ATF1: variants seen among roughly 807,000 people sequenced by gnomAD.
ATF1 encodes cyclic AMP-dependent transcription factor ATF-1.
Under a neutral mutation model 34.7 loss-of-function variants are expected in ATF1, and 16 were observed. That is an observed-to-expected ratio of 0.46 (90% confidence interval 0.31 to 0.70). The LOEUF (loss-of-function observed/expected upper bound fraction) is 0.70, where lower values mean the gene tolerates loss of function less well. Ranked by LOEUF, ATF1 falls within the 30% of genes least tolerant of loss-of-function variation. The pLI is 0.05. For missense variants in ATF1, 255 were observed against 321.6 expected, an observed-to-expected ratio of 0.79 and a Z score of 1.58; for synonymous variants, 105 against 113.1, an observed-to-expected ratio of 0.93 and a Z score of 0.46.
chr12:50,766,997 CTT>C (rs1202641468), intron 1 of ATF1, among the ~76,000 whole-genome samples: 1 of 152,090 alleles, frequency 6.6e-6, no homozygotes, highest in Non-Finnish European at 1.5e-5. Flanking sequence ...TGGCTAATGT[CTT>C]TGTTTTATCA....
rs1258394608 is a variant in ATF1, at chr12:50,784,621, C to T, written c.93+4383C>T. On this transcript the variant is annotated intron_variant, in intron 2 of 6. Coordinates refer to ENST00000262053, the MANE Select transcript of ATF1 (RefSeq NM_005171.5). ...CACTGTAAAATTTTTGTGTTTTGATCTGGGTGACGTGGGGAACCTTTAGAG... is the reference window on the plus strand; with the variant it reads ...CACTGTAAAATTTTTGTGTTTTGATTTGGGTGACGTGGGGAACCTTTAGAG... Among the ~76,000 whole-genome samples, 5 of 152,124 alleles carry T rather than the reference C, an allele frequency of 3.3e-5. No individual in the cohort carries two copies. In the South Asian group the frequency reaches 1.0e-3, roughly 32 times the overall value.
intron 4 of ATF1, among the ~76,000 whole-genome samples, chr12:50,810,899 A>G (rs1232720051): frequency 6.6e-6 from 1 of 152,176 alleles, no homozygotes; most frequent in Non-Finnish European, 1.5e-5. Flanking sequence ...GATTTATTTA[A>G]GATGTCAACT....
rs78068397 is a variant in ATF1 at position 50,813,017 on chromosome 12, C to T, written c.329-993C>T. Among the ~76,000 whole-genome samples the T allele has an allele frequency of 2.0e-5, 3 of 152,208 alleles. No homozygotes were observed. In the East Asian group the frequency reaches 5.8e-4, roughly 29 times the overall value. On this transcript the variant is annotated intron_variant, in intron 4 of 6. Transcript: ENST00000262053. ...AGCATAAAAGGAAAAAAAAATGTTT[C>T]ATAACTGTAATCTGAAAAGAGGGTA... is the stretch of plus-strand genomic sequence containing the variant.
At chr12:50,764,702 C>T (rs1375996719) in intron 1 of ATF1, 1 of 152,290 alleles carries the variant, frequency 6.6e-6, no homozygotes, top group Admixed American at 6.5e-5. Flanking sequence ...GCGCGGTGTC[C>T]GCCGAGCGGA....
chr12:50,763,518 G>A (rs1294265617), upstream of ATF1, among the ~76,000 whole-genome samples: 2 of 151,118 alleles, frequency 1.3e-5, no homozygotes, highest in African/African-American at 2.4e-5. Flanking sequence ...CATAGGCTGA[G>A]GTTGGAGAAT....
intron 1 of ATF1, among the ~76,000 whole-genome samples, chr12:50,778,763 G>A (rs1287341816): frequency 6.6e-6 from 1 of 151,906 alleles, no homozygotes; most frequent in Non-Finnish European, 1.5e-5. Flanking sequence ...AATTTTTTTT[G>A]TATTTTAGTA....
At chr12:50,809,632 C>T (rs867271385) in intron 4 of ATF1, 43 bp downstream of exon 4, 4 of 1,538,966 alleles carry the variant, frequency 2.6e-6, no homozygotes, top group Non-Finnish European at 3.5e-6. Context: ...CACACAAAAC[C>T]TGACTTTTCT....
chr12:50,814,568 T>G (rs1416458756), intron 6 of ATF1, 129 bp downstream of exon 6: 3 of 1,030,880 alleles, frequency 2.9e-6, no homozygotes, highest in Admixed American at 2.8e-5. Context: ...ATGGACCACA[T>G]AAATGAATGA....
At chr12:50,784,877 TTTTATTTA>T (rs747782113) in intron 2 of ATF1, among the ~76,000 whole-genome samples, 152 of 151,322 alleles carry the variant, frequency 1.0e-3, no homozygotes, top group Non-Finnish European at 1.8e-3. Context: ...GAGTTTTATT[TTTTATTTA>T]TTTATTTATT....
At chr12:50,769,541 C>T (rs770893195) in intron 1 of ATF1, among the ~76,000 whole-genome samples, 5 of 151,810 alleles carry the variant, frequency 3.3e-5, no homozygotes, top group Non-Finnish European at 7.4e-5. Context: ...GAAGCATTAT[C>T]AAATGTCAAA....
At chr12:50,813,910 A>C (rs966860092) in intron 4 of ATF1, 100 bp from the exon 5 acceptor site, 53 of 1,168,036 alleles carry the variant, frequency 4.5e-5, no homozygotes, top group Non-Finnish European at 6.0e-5. Flanking sequence ...AAGTGCATTC[A>C]TACCTGTTTT....
intron 3 of ATF1, 59 bp from the exon 4 acceptor site, chr12:50,809,394 AATT>A (rs1360727014): frequency 4.4e-6 from 5 of 1,135,878 alleles, no homozygotes; most frequent in East Asian, 2.4e-5. Flanking sequence ...AAAAAAAAAA[AATT>A]ATTTTTGTGA....
Position 50,819,904 on chromosome 12 carries a change from A to ATATC in ATF1, c.*127_*130dup. 1 of 858,648 alleles carries ATATC rather than the reference A, an allele frequency of 1.2e-6. No homozygotes were observed. The highest frequency in any genetic ancestry group is 1.7e-6 in the Non-Finnish European group (1 of 575,420). The allele number at this position is 858,648 out of a possible 1,614,324, so 53.2% of individuals were successfully genotyped here. A position where few individuals can be genotyped will look rare whatever the true frequency, so the allele number is the denominator to read the frequency against. ...TTAGGCTTTTCCAAATCAAGGATAA[A>ATATC]TATCTTACGCACGATATCTAGTGAC... On this transcript the variant is annotated 3_prime_UTR_variant, in exon 7 of 7. Transcript: ENST00000262053.
chr12:50,815,048 G>A (rs1482514925), intron 6 of ATF1, among the ~76,000 whole-genome samples: 1 of 151,984 alleles, frequency 6.6e-6, no homozygotes, highest in Non-Finnish European at 1.5e-5. Context: ...CATGAATCTG[G>A]GAGCCGAAGC....
At chr12:50,765,745 A>T (rs1940617386) in intron 1 of ATF1, among the ~76,000 whole-genome samples, 1 of 152,146 alleles carries the variant, frequency 6.6e-6, no homozygotes, top group African/African-American at 2.4e-5. Context: ...CCAAAACTGA[A>T]ATGGCCACAA....
At chr12:50,774,752 G>T (rs867187545) in intron 1 of ATF1, among the ~76,000 whole-genome samples, 56 of 141,188 alleles carry the variant, frequency 4.0e-4, no homozygotes, top group African/African-American at 9.0e-4. Context: ...TTTTGTTTTT[G>T]TTTTTTTTTT....
chr12:50,769,865 G>A (rs906561410), intron 1 of ATF1, among the ~76,000 whole-genome samples: 1 of 152,146 alleles, frequency 6.6e-6, no homozygotes, highest in Admixed American at 6.6e-5. Context: ...AATAACTTTG[G>A]AAATTGTAAC....
At chr12:50,815,544 C>T (rs1021351009) in intron 6 of ATF1, among the ~76,000 whole-genome samples, 1 of 147,330 alleles carries the variant, frequency 6.8e-6, no homozygotes, top group Non-Finnish European at 1.5e-5. Flanking sequence ...TACCACCACA[C>T]CCAGCTAATT....
Position 50,812,927 on chromosome 12 carries a change from G to GA in ATF1, c.329-1075dup, listed in dbSNP as rs1000269354. 2.0e-5 allele frequency among the ~76,000 whole-genome samples: 3 copies of GA among 151,682 alleles called. No individual in the cohort carries two copies. In the East Asian group the frequency reaches 5.8e-4, roughly 29 times the overall value. ...TGGGGAGGGATAATTATGAATGCGT[G>GA]AAAAAAAATATTTTTCCATCACACA... On this transcript the variant is annotated intron_variant, in intron 4 of 6. Transcript: ENST00000262053.
Sources: gnomAD v4.1 joint callset for allele counts (sites outside exome capture counted in the v4.1 genomes callset) on GRCh38, gnomAD v4.1.1 for gene constraint, MANE v1.5 for transcripts, NCBI Gene and HGNC (gene_info 2026-07-23, HGNC 2026-07-21) for gene names.